Variants in LGR5 observed in about 807,000 individuals in gnomAD.
The protein encoded by LGR5 is leucine rich repeat containing G protein-coupled receptor 5.
In LGR5, 54 loss-of-function variants were observed where a neutral mutation model predicts 76.7. That is an observed-to-expected ratio of 0.70 (90% CI 0.57 to 0.88). The LOEUF is 0.88. Among genes scored for constraint, LGR5 ranks in the 40% least tolerant of loss-of-function variants. The pLI is 0.00. For missense variants in LGR5, 1,078 were observed against 1,073.3 expected (o/e 1.00, Z -0.06); for synonymous variants, 406 against 421.9 (o/e 0.96, Z 0.46).
intron 4 of LGR5, among the ~76,000 whole-genome samples, chr12:71,541,503 A>G (rs1412589780): frequency 6.6e-6 from 1 of 152,220 alleles, no homozygotes; most frequent in East Asian, 1.9e-4. Context: ...TAAGTGAGGC[A>G]CAGTCTTTCT....
chr12:71,474,736 G>A (rs1873253217), intron 1 of LGR5, among the ~76,000 whole-genome samples: 1 of 152,158 alleles, frequency 6.6e-6, no homozygotes, highest in Non-Finnish European at 1.5e-5. Flanking sequence ...TAAGCTTGTA[G>A]GGCTTCTTTT....
At chr12:71,522,294 G>A (rs1425257525) in intron 2 of LGR5, among the ~76,000 whole-genome samples, 1 of 152,210 alleles carries the variant, frequency 6.6e-6, no homozygotes, top group Non-Finnish European at 1.5e-5. Context: ...AGGGGTGGGA[G>A]TAGGTCGAGA....
intron 7 of LGR5, among the ~76,000 whole-genome samples, chr12:71,561,315 G>C (rs1224949059): frequency 6.6e-6 from 1 of 152,160 alleles, no homozygotes; most frequent in East Asian, 1.9e-4. Context: ...GATTCACTGA[G>C]CCAGGGCACC....
chr12:71,463,933 A>C (rs1872766590), intron 1 of LGR5, among the ~76,000 whole-genome samples: 1 of 152,160 alleles, frequency 6.6e-6, no homozygotes, highest in Admixed American at 6.5e-5. Context: ...AAAGTTTAAA[A>C]GGAGGCCTTT....
At chr12:71,539,804 T>C (rs547621494) in intron 4 of LGR5, among the ~76,000 whole-genome samples, 3 of 152,250 alleles carry the variant, frequency 2.0e-5, no homozygotes, top group South Asian at 4.1e-4. Context: ...ACTCTTCTGA[T>C]GCTAACAAAT....
intron 4 of LGR5, among the ~76,000 whole-genome samples, chr12:71,545,014 G>A (rs1003603213): frequency 4.6e-5 from 7 of 152,014 alleles, no homozygotes; most frequent in Non-Finnish European, 7.4e-5. Flanking sequence ...GCTCACACCT[G>A]TAAACCCAGC....
intron 1 of LGR5, among the ~76,000 whole-genome samples, chr12:71,501,498 G>T (rs1874222900): frequency 1.3e-5 from 2 of 152,108 alleles, no homozygotes; most frequent in Admixed American, 6.5e-5. Context: ...TCTATCATTG[G>T]TAAGTCAAAG....
At chr12:71,560,490 A>G (rs901072244) in intron 7 of LGR5, among the ~76,000 whole-genome samples, 34 of 152,174 alleles carry the variant, frequency 2.2e-4, no homozygotes, top group African/African-American at 8.2e-4. Context: ...AAGAAACCCC[A>G]CATATAAGTG....
intron 1 of LGR5, among the ~76,000 whole-genome samples, chr12:71,456,962 G>A (rs1872508233): frequency 6.6e-6 from 1 of 151,938 alleles, no homozygotes; most frequent in South Asian, 2.1e-4. Flanking sequence ...TTGTTCAGAT[G>A]GAAACTGAAT....
chr12:71,575,722 A>G lies in LGR5; in HGVS notation c.1209-2203A>G, dbSNP rs7139298. ...TGAGACTCCATCTCAAAAAATATATATGTGTGTGTGTGTGTGTGTGTGTGT... is the reference window on the plus strand; with the variant it reads ...TGAGACTCCATCTCAAAAAATATATGTGTGTGTGTGTGTGTGTGTGTGTGT... On this transcript the variant is annotated intron_variant, in intron 13 of 17. Transcript: ENST00000266674. 6.2e-3 allele frequency among the ~76,000 whole-genome samples: 901 copies of G among 144,882 alleles called. 7 individuals are homozygous for G. The highest frequency in any genetic ancestry group is 0.021 in the African/African-American group (817 of 38,310).
intron 3 of LGR5, among the ~76,000 whole-genome samples, chr12:71,534,772 G>T (rs750313541): frequency 3.3e-5 from 5 of 152,070 alleles, no homozygotes; most frequent in Non-Finnish European, 7.4e-5. Flanking sequence ...ATATTCACAA[G>T]GATTTTCTCC....
chr12:71,446,340 A>G (rs1340706940), intron 1 of LGR5, among the ~76,000 whole-genome samples: 3 of 152,246 alleles, frequency 2.0e-5, no homozygotes, highest in Non-Finnish European at 4.4e-5. Context: ...ATTTACATGT[A>G]TAAATTACTT....
At chr12:71,477,412 TA>T (rs144714763) in intron 1 of LGR5, among the ~76,000 whole-genome samples, 4,826 of 150,752 alleles carry the variant, frequency 0.032, 291 homozygotes, top group African/African-American at 0.11. Context: ...TGTAGTTCTT[TA>T]AAAAAACATG....
intron 1 of LGR5, among the ~76,000 whole-genome samples, chr12:71,489,631 G>A (rs1029707569): frequency 9.9e-5 from 15 of 152,274 alleles, no homozygotes; most frequent in Non-Finnish European, 1.8e-4. Context: ...ACCCATCAGG[G>A]CAGTAGAAGA....
chr12:71,554,227 G>A (rs1396678937), intron 5 of LGR5, among the ~76,000 whole-genome samples: 1 of 152,196 alleles, frequency 6.6e-6, no homozygotes, highest in Non-Finnish European at 1.5e-5. Context: ...TAGGGAATGG[G>A]GAATGCTGAT....
intron 1 of LGR5, among the ~76,000 whole-genome samples, chr12:71,476,243 C>T (rs1003104043): frequency 6.6e-6 from 1 of 152,186 alleles, no homozygotes; most frequent in African/African-American, 2.4e-5. Context: ...ATCCCATCTG[C>T]TTCAAGAAGC....
chr12:71,486,119 G>C (rs912274355), intron 1 of LGR5, among the ~76,000 whole-genome samples: 1 of 152,044 alleles, frequency 6.6e-6, no homozygotes, highest in South Asian at 2.1e-4. Flanking sequence ...AATTTTTCAG[G>C]CCTTATCTAT....
At chr12:71,583,418 A>G in intron 17 of LGR5, 1 of 523,644 alleles carries the variant, frequency 1.9e-6, no homozygotes, top group South Asian at 3.2e-5. Context: ...TCATTTCTCC[A>G]TCAATACCCT....
intron 1 of LGR5, among the ~76,000 whole-genome samples, chr12:71,468,317 T>A (rs536437737): frequency 6.6e-6 from 1 of 152,344 alleles, no homozygotes; most frequent in South Asian, 2.1e-4. Context: ...GGGCAAAGTT[T>A]CAGTAATTCA....
Sources: gnomAD v4.1 joint callset for allele counts (sites outside exome capture counted in the v4.1 genomes callset) on GRCh38, gnomAD v4.1.1 for gene constraint, MANE v1.5 for transcripts, NCBI Gene and HGNC (gene_info 2026-07-23, HGNC 2026-07-21) for gene names.